NCKAP5: variants seen among roughly 807,000 people sequenced by gnomAD.
NCKAP5 encodes nck-associated protein 5.
Under a neutral mutation model 167.0 loss-of-function variants are expected in NCKAP5, and 92 were observed. The observed-to-expected ratio is 0.55, with a 90% CI of 0.47 to 0.66. The LOEUF (loss-of-function observed/expected upper bound fraction) is 0.66. Among genes scored for constraint, NCKAP5 ranks in the 30% least tolerant of loss-of-function variants. The pLI is 0.00. For missense variants in NCKAP5, 2,378 were observed against 2,315.0 expected (o/e 1.03, Z -0.56); for synonymous variants, 891 against 877.4 (o/e 1.02, Z -0.27).
chr2:132,887,761 C>T (rs1314836399), intron 8 of NCKAP5, among the ~76,000 whole-genome samples: 6 of 152,214 alleles, frequency 3.9e-5, no homozygotes, highest in Admixed American at 3.9e-4. Context: ...ATCCTCCCGC[C>T]TCAGCCTCTT....
At chr2:133,153,295 T>C (rs189788878) in intron 5 of NCKAP5, among the ~76,000 whole-genome samples, 58 of 152,270 alleles carry the variant, frequency 3.8e-4, no homozygotes, top group Middle Eastern at 3.4e-3. Context: ...TAGTCAATAA[T>C]AGTGTAGCAA....
intron 11 of NCKAP5, among the ~76,000 whole-genome samples, chr2:132,807,905 C>G (rs1685558817): frequency 6.6e-6 from 1 of 152,058 alleles, no homozygotes; most frequent in Non-Finnish European, 1.5e-5. Flanking sequence ...TCATAGATGG[C>G]TTTTATAACA....
At chr2:132,920,557 C>A (rs1028984027) in intron 8 of NCKAP5, among the ~76,000 whole-genome samples, 2 of 149,678 alleles carry the variant, frequency 1.3e-5, no homozygotes, top group African/African-American at 4.9e-5. Flanking sequence ...AAATTCAACA[C>A]TTGCCTGGGG....
rs2150572078 is a variant in NCKAP5, at chr2:133,303,233, AGG to A, written c.70-125_70-124del. ...TTATCCCTACTTCCCTTCCGGTTCT[AGG>A]ATTCTCTGCTTCTATGACTTGCAAT... On this transcript the variant is annotated intron_variant, in intron 3 of 19. Coordinates refer to ENST00000409261, the MANE Select transcript of NCKAP5 (RefSeq NM_207363.3). The A allele has an allele frequency of 6.1e-6, 4 of 657,260 alleles. No individual in the cohort carries two copies. The East Asian group carries it at 8.3e-5, about 14-fold the overall frequency. The allele number at this position is 657,260 out of a possible 1,614,324, so 40.7% of individuals were successfully genotyped here.
chr2:132,913,058 C>T (rs1473413060), intron 8 of NCKAP5, among the ~76,000 whole-genome samples: 1 of 151,966 alleles, frequency 6.6e-6, no homozygotes, highest in African/African-American at 2.4e-5. Context: ...ATACTTAAGA[C>T]TTGGACCTAA....
At chr2:132,905,823 T>C (rs1693967608) in intron 8 of NCKAP5, among the ~76,000 whole-genome samples, 1 of 152,176 alleles carries the variant, frequency 6.6e-6, no homozygotes, top group Admixed American at 6.5e-5. Context: ...CTAATGCTCT[T>C]CCAATTGATT....
Position 132,781,144 on chromosome 2 carries a change from A to G in NCKAP5, c.4957T>C (p.Ser1653Pro). 1 of 1,613,940 alleles carries G rather than the reference A, an allele frequency of 6.2e-7. No homozygotes were observed. The highest frequency in any genetic ancestry group is 8.5e-7 in the Non-Finnish European group (1 of 1,179,872). ...RNVLKGSSQG[S>P]CLIGSSISTQ... ...CTGATAGAGCTGCCGATGAGACAGG[A>G]GCCCTGAGAACTGCCCTTTAACACA... is the stretch of plus-strand genomic sequence containing the variant. The change falls in exon 15 of 20, where the codon TCC becomes CCC. Residue 1653 changes from serine (S) to proline (P), a missense_variant. Ser to Pro is a moderately conservative substitution (Grantham distance 74, BLOSUM62 -1). This residue lies in a region of NCKAP5 where 1,325 missense variants were observed against 1,274.5 expected (regional missense o/e 1.04). Coordinates refer to ENST00000409261, the MANE Select transcript of NCKAP5 (RefSeq NM_207363.3).
At chr2:133,629,373 GA>G in the NCKAP5 span, among the ~76,000 whole-genome samples, 1 of 152,018 alleles carries the variant, frequency 6.6e-6, no homozygotes, top group Non-Finnish European at 1.5e-5. Context: ...CAAAAAACAT[GA>G]AAAAAAGCTC....
At chr2:132,779,703 T>C (rs1029963295) in intron 15 of NCKAP5, among the ~76,000 whole-genome samples, 5 of 151,992 alleles carry the variant, frequency 3.3e-5, no homozygotes, top group Non-Finnish European at 5.9e-5. Context: ...GCTATTTGAA[T>C]AAAAAAATTT....
intron 8 of NCKAP5, among the ~76,000 whole-genome samples, chr2:132,926,988 T>G (rs1695950763): frequency 6.6e-6 from 1 of 152,214 alleles, no homozygotes; most frequent in African/African-American, 2.4e-5. Context: ...TTTATTCTAG[T>G]TATTTTAATA....
chr2:133,367,992 C>A (rs797022676), intron 3 of NCKAP5, among the ~76,000 whole-genome samples: 3 of 152,154 alleles, frequency 2.0e-5, no homozygotes, highest in South Asian at 2.1e-4. Context: ...CAGCCAGATG[C>A]CCCCCAGAAC....
intron 2 of NCKAP5, among the ~76,000 whole-genome samples, chr2:133,520,277 T>A (rs138103104): frequency 6.6e-6 from 1 of 152,284 alleles, no homozygotes; most frequent in East Asian, 1.9e-4. Flanking sequence ...GTGAAAAAAG[T>A]CCTGAGTTAC....
chr2:133,226,438 AG>A (rs2086894009), intron 4 of NCKAP5, among the ~76,000 whole-genome samples: 1 of 152,106 alleles, frequency 6.6e-6, no homozygotes, highest in South Asian at 2.1e-4. Context: ...TGAGTTGGAA[AG>A]TGTCCCCCAA....
At chr2:133,114,232 A>AT (rs1042410240) in intron 6 of NCKAP5, among the ~76,000 whole-genome samples, 18 of 152,236 alleles carry the variant, frequency 1.2e-4, no homozygotes, top group Non-Finnish European at 2.1e-4. Context: ...CTAATAATCT[A>AT]TAAGAAAGCA....
chr2:132,691,578 G>A (rs1361282697), intron 19 of NCKAP5, among the ~76,000 whole-genome samples: 4 of 152,124 alleles, frequency 2.6e-5, no homozygotes, highest in Non-Finnish European at 4.4e-5. Flanking sequence ...AAACCTGACA[G>A]AGCAAGAGAA....
chr2:132,963,575 A>T, intron 8 of NCKAP5, 145 bp downstream of exon 8: 4 of 882,922 alleles, frequency 4.5e-6, no homozygotes, highest in Non-Finnish European at 6.8e-6. Flanking sequence ...CTCATTGTAG[A>T]CAAATCTCAG....
chr2:133,345,223 G>C (rs1683887151), intron 3 of NCKAP5, among the ~76,000 whole-genome samples: 1 of 152,130 alleles, frequency 6.6e-6, no homozygotes, highest in Admixed American at 6.6e-5. Flanking sequence ...CATTGTCTGG[G>C]AAGTGAGGAG....
chr2:133,127,152 CCCGT>C (rs149979350), intron 6 of NCKAP5, among the ~76,000 whole-genome samples: 13 of 152,002 alleles, frequency 8.6e-5, no homozygotes, highest in Admixed American at 2.0e-4. Flanking sequence ...GGATGCTAAC[CCCGT>C]CCAAGGGTGA....
intron 4 of NCKAP5, among the ~76,000 whole-genome samples, chr2:133,247,942 G>T (rs16822568): frequency 0.029 from 4,373 of 152,224 alleles, 187 homozygotes; most frequent in African/African-American, 0.099. Flanking sequence ...TCCTATGAGG[G>T]GATTAGCAGT....
Sources: allele counts gnomAD v4.1 joint callset (sites outside exome capture counted in the v4.1 genomes callset), GRCh38; gene constraint gnomAD v4.1.1; regional missense constraint gnomAD v4.1.1; transcripts MANE v1.5; gene names NCBI Gene and HGNC (gene_info 2026-07-23, HGNC 2026-07-21).